DST: variants seen among roughly 807,000 people sequenced by gnomAD.
The protein encoded by DST is dystonin.
A neutral mutation model predicts 875.2 loss-of-function variants in DST; 253 were observed. The ratio of observed to expected loss-of-function variants is 0.29; its 90% CI spans 0.26 to 0.32. The LOEUF (loss-of-function observed/expected upper bound fraction) is 0.32, where lower values mean the gene tolerates loss of function less well. Among genes scored for constraint, DST ranks in the 10% least tolerant of loss-of-function variants. The probability of loss-of-function intolerance (pLI) is 1.00; values close to 1 mark genes in which losing one functional copy is unlikely to be tolerated. For missense variants in DST, 8,287 were observed against 9,111.6 expected (o/e 0.91, Z 3.68); for synonymous variants, 3,124 against 3,197.1 (o/e 0.98, Z 0.77).
At chr6:56,538,117 G>A (rs1221826199) in intron 61 of DST, among the ~76,000 whole-genome samples, 35 of 152,080 alleles carry the variant, frequency 2.3e-4, no homozygotes, top group Non-Finnish European at 2.9e-5. Flanking sequence ...CCAGTAGCTG[G>A]GACCACAGCT....
At position 56,851,443 on chromosome 6, in the gene DST, C is replaced by A. The variant is rs754091236; in HGVS notation, c.579G>T (p.Gly193=). 37 of 1,613,778 alleles carry A rather than the reference C, an allele frequency of 2.3e-5. No individual in the cohort carries two copies. Among genetic ancestry groups the A allele is most frequent in the Non-Finnish European group, 3.1e-5 (36 of 1,179,908 alleles). Residue 193 remains glycine, a synonymous_variant, in exon 4 of 104, where the codon GGG becomes GGT. Transcript: ENST00000680361. The part of the protein sequence containing the change: ...KHERSKRKIQ[G]GSVLDPAERA... ...TCTCGGCAGGGTCCAGCACTGAGCC[C>A]CCTTGAATCTTTCTTTTCGATCTCT...
At chr6:56,699,153 T>C (rs111262421) in intron 9 of DST, among the ~76,000 whole-genome samples, 10 of 152,196 alleles carry the variant, frequency 6.6e-5, no homozygotes, top group Non-Finnish European at 1.5e-5. Flanking sequence ...GTCAATAAAT[T>C]TGCATTTTCC....
At chr6:56,571,084 T>A (rs1449392769) in intron 53 of DST, among the ~76,000 whole-genome samples, 3 of 152,148 alleles carry the variant, frequency 2.0e-5, no homozygotes, top group Admixed American at 1.3e-4. Context: ...CTCAGGAAAC[T>A]CCCTGGTGAA....
At position 56,655,947 on chromosome 6, in the gene DST, T is replaced by C. The variant is rs115812237; in HGVS notation, c.1215-4703A>G. Reference sequence around the variant, plus strand: ...AGGCAGAGCCTGTGTTTTGTCCATGTTTATATCCTCAATATCTAGCATAAT... The same window carrying C: ...AGGCAGAGCCTGTGTTTTGTCCATGCTTATATCCTCAATATCTAGCATAAT... On this transcript the variant is annotated intron_variant, in intron 10 of 103. Transcript: ENST00000680361. Among the ~76,000 whole-genome samples, 703 of 152,386 alleles carry C rather than the reference T, an allele frequency of 4.6e-3. 6 individuals are homozygous for C. The highest frequency in any genetic ancestry group is 0.016 in the African/African-American group (674 of 41,594).
chr6:56,780,179 T>A (rs2099689935), intron 4 of DST, among the ~76,000 whole-genome samples: 1 of 151,986 alleles, frequency 6.6e-6, no homozygotes, highest in Non-Finnish European at 1.5e-5. Context: ...AGTGCCACAA[T>A]AAACATACAT....
chr6:56,576,889 T>C (rs1017910967), intron 50 of DST, among the ~76,000 whole-genome samples: 1 of 152,174 alleles, frequency 6.6e-6, no homozygotes, highest in Non-Finnish European at 1.5e-5. Context: ...GAAATAAATG[T>C]ATGTTGTTTA....
At chr6:56,601,974 CTT>C in intron 43 of DST, 1 of 444,032 alleles carries the variant, frequency 2.3e-6, no homozygotes, top group South Asian at 1.8e-5. Flanking sequence ...AAAGACCTAA[CTT>C]AGGTATATTT....
chr6:56,923,488 A>T (rs946407612), intron 2 of DST, among the ~76,000 whole-genome samples: 9 of 150,314 alleles, frequency 6.0e-5, no homozygotes, highest in African/African-American at 4.9e-5. Flanking sequence ...AAAAAAAAAA[A>T]TCCTGATGTA....
chr6:56,911,056 T>G (rs1163745528), intron 2 of DST, among the ~76,000 whole-genome samples: 1 of 152,128 alleles, frequency 6.6e-6, no homozygotes, highest in Non-Finnish European at 1.5e-5. Context: ...AGGAAGCATG[T>G]TTTGTACTGT....
At chr6:56,619,909 A>G in intron 36 of DST, 2 of 1,613,814 alleles carry the variant, frequency 1.2e-6, no homozygotes, top group Non-Finnish European at 1.7e-6. Context: ...CAGCCTTTCT[A>G]TTGGCAGCTG....
Position 56,501,135 on chromosome 6 carries a change from T to C in DST, c.19841A>G (p.Gln6614Arg). 6.2e-7 allele frequency: 1 copy of C among 1,612,948 alleles called. No individual in the cohort carries two copies. ...LTHTEGLLSE[Q>R]KPVGGDPKAI... ...TTTAGGGTCTCCTCCAACAGGTTTC[T>C]GCTCACTTAGCAAGCCCTCGGTGTG... The change falls in exon 80 of 104, where the codon CAG becomes CGG. Residue 6614 changes from glutamine to arginine, a missense_variant. Gln to Arg is a conservative substitution (Grantham distance 43). Around this residue, in one of 10 missense-constraint regions of DST, gnomAD observed 1,292 missense variants for 1,552.7 expected, o/e 0.83. Transcript: ENST00000680361.
chr6:56,501,346 A>G, intron 79 of DST, 111 bp from the exon 80 acceptor site: 3 of 1,255,168 alleles, frequency 2.4e-6, no homozygotes, highest in Non-Finnish European at 2.1e-6. Flanking sequence ...CCATAAACGT[A>G]TCCAGTGAAG....
intron 12 of DST, among the ~76,000 whole-genome samples, chr6:56,650,322 A>AC (rs1449046447): frequency 3.8e-5 from 5 of 131,408 alleles, no homozygotes; most frequent in Admixed American, 1.7e-4. Flanking sequence ...TAGCATAACC[A>AC]CCCAAAAAAA....
intron 4 of DST, among the ~76,000 whole-genome samples, chr6:56,825,777 G>A (rs1007547785): frequency 2.0e-5 from 3 of 152,080 alleles, no homozygotes; most frequent in East Asian, 1.9e-4. Context: ...CAAGATAATG[G>A]GTACAGAACA....
At chr6:56,507,566 A>T (rs558963111) in intron 75 of DST, among the ~76,000 whole-genome samples, 1 of 152,348 alleles carries the variant, frequency 6.6e-6, no homozygotes, top group East Asian at 1.9e-4. Context: ...GTAATGATCC[A>T]ACTGAACCCT....
chr6:56,495,173 A>G (rs942122726), intron 82 of DST, among the ~76,000 whole-genome samples: 2 of 152,014 alleles, frequency 1.3e-5, no homozygotes, highest in Non-Finnish European at 2.9e-5. Context: ...ATCCTAAAGC[A>G]AAACTTTCAG....
chr6:56,914,622 A>G (rs1800086308), intron 2 of DST, among the ~76,000 whole-genome samples: 1 of 152,246 alleles, frequency 6.6e-6, no homozygotes, highest in African/African-American at 2.4e-5. Flanking sequence ...AATCTCCTGC[A>G]TAGAGTCTCC....
chr6:56,754,802 C>T (rs777911366), intron 4 of DST, among the ~76,000 whole-genome samples: 4 of 151,968 alleles, frequency 2.6e-5, no homozygotes, highest in Non-Finnish European at 5.9e-5. Context: ...TTCTAACAGT[C>T]AAAACTAGAT....
At chr6:56,922,069 T>G (rs1258590798) in intron 2 of DST, among the ~76,000 whole-genome samples, 1 of 152,152 alleles carries the variant, frequency 6.6e-6, no homozygotes, top group Non-Finnish European at 1.5e-5. Flanking sequence ...CATTAAAATA[T>G]ATAAGTTCCT....
Sources: gnomAD v4.1 joint callset for allele counts (sites outside exome capture counted in the v4.1 genomes callset) on GRCh38, gnomAD v4.1.1 for gene constraint, gnomAD v4.1.1 regional missense constraint, MANE v1.5 for transcripts, NCBI Gene and HGNC (gene_info 2026-07-23, HGNC 2026-07-21) for gene names.